SNRK: variants seen among roughly 807,000 people sequenced by gnomAD.
SNRK encodes the protein SNF related kinase.
SNRK carries 3 observed loss-of-function variants against 48.2 expected under a neutral mutation model. The ratio of observed to expected loss-of-function variants is 0.06; its 90% confidence interval spans 0.03 to 0.16. SNRK has a LOEUF of 0.16. Ranked by LOEUF, SNRK falls within the 10% of genes least tolerant of loss-of-function variation. SNRK has a pLI of 1.00. For missense variants in SNRK, 627 were observed against 976.0 expected (o/e 0.64, Z 4.76); for synonymous variants, 376 against 366.1 (o/e 1.03, Z -0.31).
At chr3:43,301,122 A>ATT (rs1259822779) in intron 2 of SNRK, among the ~76,000 whole-genome samples, 2 of 152,260 alleles carry the variant, frequency 1.3e-5, no homozygotes, top group Non-Finnish European at 2.9e-5. Context: ...TGGTAGTGCT[A>ATT]TTTATTATTA....
At chr3:43,339,464 CTGAG>C (rs2091215802) in intron 4 of SNRK, among the ~76,000 whole-genome samples, 1 of 152,094 alleles carries the variant, frequency 6.6e-6, no homozygotes, top group Non-Finnish European at 1.5e-5. Context: ...TTTTTAGTTG[CTGAG>C]TGTTACTTAT....
chr3:43,345,939 GAATT>G (rs1170055279), intron 6 of SNRK, among the ~76,000 whole-genome samples: 3 of 152,210 alleles, frequency 2.0e-5, no homozygotes, highest in Non-Finnish European at 4.4e-5. Context: ...TAGGCATTTA[GAATT>G]ATTTCTAATT....
chr3:43,288,540 C>G (rs1166331277), intron 1 of SNRK, among the ~76,000 whole-genome samples: 1 of 152,212 alleles, frequency 6.6e-6, no homozygotes, highest in Non-Finnish European at 1.5e-5. Flanking sequence ...TACTGTTCAT[C>G]TGAACTTCAC....
At chr3:43,311,285 G>A (rs1478777678) in intron 3 of SNRK, among the ~76,000 whole-genome samples, 1 of 152,128 alleles carries the variant, frequency 6.6e-6, no homozygotes, top group Non-Finnish European at 1.5e-5. Context: ...ATGGTTGTCT[G>A]GGTGCAGTTC....
Position 43,348,097 on chromosome 3 carries a change from G to C in SNRK, c.1838G>C (p.Gly613Ala). 5.7e-6 allele frequency: 9 copies of C among 1,589,070 alleles called. No individual in the cohort carries two copies. Among genetic ancestry groups the C allele is most frequent in the Non-Finnish European group, 7.7e-6 (9 of 1,167,960 alleles). The change falls in exon 7 of 7, where the codon GGT (glycine) becomes GCT (alanine). Residue 613 changes from glycine to alanine, a missense_variant. Physicochemically the swap from Gly to Ala is moderately conservative, Grantham distance 60. Transcript: ENST00000296088. ...AGGGSPSSGS[G>A]GNPTNTSGTT... ...GGGGGCAGTCCCTCCAGCGGCTCGG[G>C]TGGCAACCCCACCAATACATCGGGT... is the stretch of plus-strand genomic sequence containing the variant.
At chr3:43,308,198 A>T (rs923016190) in intron 3 of SNRK, among the ~76,000 whole-genome samples, 2 of 152,250 alleles carry the variant, frequency 1.3e-5, no homozygotes, top group Non-Finnish European at 2.9e-5. Context: ...GAAAGAAGCC[A>T]TCTCCATAAC....
chr3:43,348,370 TAA>T lies in SNRK; in HGVS notation c.2113_2114del (p.Lys705ValfsTer4). ...GGGCAGGTCCCTGCAGTGGGCGGCATAAAGTTTTTCTCTGACCACATGGCAGA... is the reference window on the plus strand; with the variant it reads ...GGGCAGGTCCCTGCAGTGGGCGGCATAGTTTTTCTCTGACCACATGGCAGA... On this transcript the variant is annotated frameshift_variant, in exon 7 of 7. Coordinates refer to ENST00000296088, the MANE Select transcript of SNRK (RefSeq NM_017719.5). LOFTEE classifies it high-confidence loss of function. 6.2e-7 allele frequency: 1 copy of T among 1,607,776 alleles called. No homozygotes were observed. Among genetic ancestry groups the T allele is most frequent in the Non-Finnish European group, 8.5e-7 (1 of 1,177,306 alleles).
intron 2 of SNRK, among the ~76,000 whole-genome samples, chr3:43,302,375 T>C (rs2090903863): frequency 6.6e-6 from 1 of 152,180 alleles, no homozygotes; most frequent in Admixed American, 6.5e-5. Flanking sequence ...AAAAGTTGCA[T>C]TTCAAAATTT....
Position 43,347,975 on chromosome 3 carries a change from G to GC in SNRK, c.1721dup (p.Gly575TrpfsTer3), listed in dbSNP as rs1200485859. On this transcript the variant is annotated frameshift_variant, in exon 7 of 7. Coordinates refer to ENST00000296088, the MANE Select transcript of SNRK (RefSeq NM_017719.5). LOFTEE classifies it high-confidence loss of function. The surrounding 1 kb of genome is among the most constrained non-coding windows in gnomAD (Gnocchi z 5.4). ...GGCACCGACGGGATAGCAGCGAGGG[G>GC]CCCCCTGGCAGTGAGGGGGATGGCG... The GC allele has an allele frequency of 6.2e-7, 1 of 1,613,916 alleles. No individual in the cohort carries two copies. Among genetic ancestry groups the GC allele is most frequent in the Non-Finnish European group, 8.5e-7 (1 of 1,180,030 alleles).
At chr3:43,327,970 A>T (rs1349197562) in intron 3 of SNRK, among the ~76,000 whole-genome samples, 2 of 128,098 alleles carry the variant, frequency 1.6e-5, no homozygotes, top group South Asian at 2.5e-4. Flanking sequence ...TTTTTTTTTT[A>T]AACCAAGCCA....
intron 3 of SNRK, among the ~76,000 whole-genome samples, chr3:43,316,091 G>A (rs898876695): frequency 6.6e-6 from 1 of 152,100 alleles, no homozygotes; most frequent in Non-Finnish European, 1.5e-5. Flanking sequence ...TATTCTATAG[G>A]TACCATATAG....
rs1303886099 is a variant in SNRK, at chr3:43,322,749, G to A, written c.590-9420G>A. Among the ~76,000 whole-genome samples the A allele has an allele frequency of 5.3e-5, 8 of 152,012 alleles. No homozygotes were observed. The East Asian group carries it at 1.2e-3, about 22-fold the overall frequency. Reference sequence around the variant, plus strand: ...GGGCAGATCATGAGGTCAGGAGATCGAGACCATCCTGGCTAACATGGTGAA... The same window carrying A: ...GGGCAGATCATGAGGTCAGGAGATCAAGACCATCCTGGCTAACATGGTGAA... On this transcript the variant is annotated intron_variant, in intron 3 of 6. Transcript: ENST00000296088.
At chr3:43,288,419 A>G (rs1177076497) in intron 1 of SNRK, among the ~76,000 whole-genome samples, 2 of 152,174 alleles carry the variant, frequency 1.3e-5, no homozygotes, top group Admixed American at 6.5e-5. Flanking sequence ...CCAGAAGTAT[A>G]GGTTGGGTCT....
chr3:43,334,839 G>T (rs893869809), intron 4 of SNRK, among the ~76,000 whole-genome samples: 3 of 152,138 alleles, frequency 2.0e-5, no homozygotes, highest in African/African-American at 7.2e-5. Flanking sequence ...TGATCCGCCT[G>T]CCTCGGCCTC....
chr3:43,334,510 T>A (rs1330843530), intron 4 of SNRK, among the ~76,000 whole-genome samples: 2 of 152,136 alleles, frequency 1.3e-5, no homozygotes, highest in Non-Finnish European at 2.9e-5. Flanking sequence ...AATTTTTTCC[T>A]ATTTCAGTTT....
rs761384780 is a variant in SNRK at position 43,340,298 on chromosome 3, G to A, written c.743G>A (p.Arg248Gln). ...ACCTTCCTTTCCAGCCTAATCACAC[G>A]GATGCTACAGAGAGATCCCAAGAGA... Reference protein sequence around the residue: ...VSKECKDLITRMLQRDPKRRA... With the variant: ...VSKECKDLITQMLQRDPKRRA... Residue 248 changes from arginine to glutamine, a missense_variant, in exon 5 of 7, where the codon CGG becomes CAG. By Grantham distance (43) the Arg-to-Gln change is conservative (BLOSUM62 1). This residue lies in a region of SNRK where 147 missense variants were observed against 356.8 expected (regional missense o/e 0.41). Coordinates refer to ENST00000296088, the MANE Select transcript of SNRK (RefSeq NM_017719.5). 42 of 1,613,808 alleles carry A rather than the reference G, an allele frequency of 2.6e-5. No individual in the cohort carries two copies. The East Asian group carries it at 4.9e-4, about 19-fold the overall frequency.
At chr3:43,315,803 T>C (rs1036099089) in intron 3 of SNRK, among the ~76,000 whole-genome samples, 1 of 152,162 alleles carries the variant, frequency 6.6e-6, no homozygotes, top group African/African-American at 2.4e-5. Context: ...GAACAACGTA[T>C]CCATAGAAAT....
At chr3:43,320,264 A>G (rs541564457) in intron 3 of SNRK, among the ~76,000 whole-genome samples, 1 of 152,332 alleles carries the variant, frequency 6.6e-6, no homozygotes, top group East Asian at 1.9e-4. Flanking sequence ...CATTGGGTAC[A>G]GTATTCTTTT....
intron 3 of SNRK, among the ~76,000 whole-genome samples, chr3:43,313,299 A>G (rs1365399701): frequency 6.6e-6 from 1 of 152,182 alleles, no homozygotes; most frequent in African/African-American, 2.4e-5. Context: ...ATAGCCATAA[A>G]CTGGAAACAG....
Sources: allele counts gnomAD v4.1 joint callset (sites outside exome capture counted in the v4.1 genomes callset), GRCh38; gene constraint gnomAD v4.1.1; regional missense constraint gnomAD v4.1.1; non-coding constraint Gnocchi (gnomAD v3.1); transcripts MANE v1.5; gene names NCBI Gene and HGNC (gene_info 2026-07-23, HGNC 2026-07-21).